OXR1: variants seen among roughly 807,000 people sequenced by gnomAD.
OXR1 encodes oxidation resistance protein 1.
A neutral mutation model predicts 104.6 loss-of-function variants in OXR1; 41 were observed. That is an observed-to-expected ratio of 0.39 (90% CI 0.31 to 0.51). The LOEUF (loss-of-function observed/expected upper bound fraction) is 0.51, where lower values mean the gene tolerates loss of function less well. Ranked by LOEUF, OXR1 falls within the 20% of genes least tolerant of loss-of-function variation. The pLI, the probability that OXR1 is intolerant of heterozygous loss-of-function variation, is 0.77. For missense variants in OXR1, 955 were observed against 1,031.9 expected, an observed-to-expected ratio of 0.93 and a Z score of 1.02; for synonymous variants, 348 against 348.4, an observed-to-expected ratio of 1.00 and a Z score of 0.01.
chr8:106,674,657 T>G (rs564560738), intron 3 of OXR1, among the ~76,000 whole-genome samples: 1 of 152,288 alleles, frequency 6.6e-6, no homozygotes, highest in East Asian at 1.9e-4. Context: ...AATCTCATCT[T>G]GAAATATTAT....
chr8:106,285,031 A>G (rs900446579), intron 1 of OXR1, among the ~76,000 whole-genome samples: 1 of 152,164 alleles, frequency 6.6e-6, no homozygotes, highest in Non-Finnish European at 1.5e-5. Context: ...GGTTTGTTAC[A>G]TATGTATACA....
intron 3 of OXR1, among the ~76,000 whole-genome samples, chr8:106,591,445 T>TAAA (rs79236395): frequency 0.012 from 1,705 of 146,554 alleles, 38 homozygotes; most frequent in African/African-American, 0.039. Context: ...AAAGTATAAT[T>TAAA]AAAAAAAAAA....
intron 6 of OXR1, among the ~76,000 whole-genome samples, chr8:106,686,707 G>A (rs1828764046): frequency 6.6e-6 from 1 of 152,126 alleles, no homozygotes; most frequent in African/African-American, 2.4e-5. Flanking sequence ...TAAATTTTTT[G>A]AATGTCCAGC....
chr8:106,672,322 GAAA>G (rs56755421), intron 3 of OXR1, among the ~76,000 whole-genome samples: 4 of 136,702 alleles, frequency 2.9e-5, no homozygotes, highest in Non-Finnish European at 6.4e-5. Flanking sequence ...TACTAAAAAT[GAAA>G]AAAAAAAAAA....
At chr8:106,333,225 T>C (rs932707373) in intron 1 of OXR1, among the ~76,000 whole-genome samples, 2 of 152,106 alleles carry the variant, frequency 1.3e-5, no homozygotes, top group East Asian at 3.8e-4. Flanking sequence ...CCAAACTTTT[T>C]CACAGCAGCT....
intron 2 of OXR1, among the ~76,000 whole-genome samples, chr8:106,367,148 G>C (rs538210509): frequency 3.4e-5 from 5 of 148,414 alleles, no homozygotes; most frequent in African/African-American, 1.2e-4. Context: ...CTGCATCCTC[G>C]CCTCCCGGGT....
intron 1 of OXR1, among the ~76,000 whole-genome samples, chr8:106,281,409 C>G (rs1382732702): frequency 6.6e-6 from 1 of 152,144 alleles, no homozygotes; most frequent in Admixed American, 6.5e-5. Flanking sequence ...TTTTATAGAC[C>G]TCACCACTGT....
intron 2 of OXR1, among the ~76,000 whole-genome samples, chr8:106,479,160 A>G (rs1027393099): frequency 1.3e-5 from 2 of 152,014 alleles, no homozygotes; most frequent in African/African-American, 4.8e-5. Flanking sequence ...TACAACAACA[A>G]TAATTAGCTT....
At chr8:106,548,102 T>C (rs79177684) in intron 3 of OXR1, among the ~76,000 whole-genome samples, 3,565 of 152,310 alleles carry the variant, frequency 0.023, 142 homozygotes, top group African/African-American at 0.082. Flanking sequence ...AACAGTCCAA[T>C]TTTTCGTATC....
chr8:106,435,365 A>G (rs754278551), intron 2 of OXR1, among the ~76,000 whole-genome samples: 4 of 152,134 alleles, frequency 2.6e-5, no homozygotes, highest in Non-Finnish European at 4.4e-5. Context: ...ACTTGAACAT[A>G]GAAAATGACA....
At chr8:106,294,395 CA>C (rs1200997871) in intron 1 of OXR1, among the ~76,000 whole-genome samples, 1,344 of 70,356 alleles carry the variant, frequency 0.019, 10 homozygotes, top group Admixed American at 0.022. Flanking sequence ...GACTCTGTCT[CA>C]AAAAAAAAAA....
chr8:106,515,313 G>T (rs137892269), intron 2 of OXR1, among the ~76,000 whole-genome samples: 36 of 152,050 alleles, frequency 2.4e-4, no homozygotes, highest in South Asian at 8.3e-4. Context: ...ATTTTTTGTG[G>T]TGACAACGCT....
At chr8:106,747,973 G>A (rs1835532338) in intron 16 of OXR1, among the ~76,000 whole-genome samples, 1 of 152,114 alleles carries the variant, frequency 6.6e-6, no homozygotes, top group Admixed American at 6.5e-5. Context: ...TTTAGCAGAA[G>A]GTTTTTATGA....
intron 2 of OXR1, among the ~76,000 whole-genome samples, chr8:106,480,627 G>A (rs1489917799): frequency 2.0e-5 from 3 of 151,964 alleles, no homozygotes; most frequent in East Asian, 1.9e-4. Context: ...GGTTTACTGT[G>A]AGCCCTCAGT....
intron 3 of OXR1, among the ~76,000 whole-genome samples, chr8:106,546,013 A>G (rs1159200564): frequency 6.6e-6 from 1 of 151,988 alleles, no homozygotes; most frequent in Non-Finnish European, 1.5e-5. Context: ...AAAAAATTGA[A>G]TGATGCAGGT....
At chr8:106,452,580 A>T (rs555542175) in intron 2 of OXR1, among the ~76,000 whole-genome samples, 321 of 152,226 alleles carry the variant, frequency 2.1e-3, no homozygotes, top group Non-Finnish European at 3.2e-3. Flanking sequence ...TTATTCTGAA[A>T]ATAGGGCCAC....
At chr8:106,478,147 C>A (rs1821907279) in intron 2 of OXR1, among the ~76,000 whole-genome samples, 1 of 151,792 alleles carries the variant, frequency 6.6e-6, no homozygotes, top group Non-Finnish European at 1.5e-5. Flanking sequence ...TCCTTATTGA[C>A]CTTGTTATAT....
At chr8:106,326,216 A>G (rs931485483) in intron 1 of OXR1, among the ~76,000 whole-genome samples, 2 of 152,242 alleles carry the variant, frequency 1.3e-5, no homozygotes, top group Admixed American at 1.3e-4. Context: ...TCCAAGAAGC[A>G]TTCCCAAGGT....
At chr8:106,593,649 C>T (rs772786822) in intron 3 of OXR1, among the ~76,000 whole-genome samples, 6 of 152,056 alleles carry the variant, frequency 3.9e-5, no homozygotes, top group South Asian at 2.1e-4. Flanking sequence ...TGGTGGCAGG[C>T]GCCTGTGGTC....
Sources: gnomAD v4.1 joint callset for allele counts (sites outside exome capture counted in the v4.1 genomes callset) on GRCh38, gnomAD v4.1.1 for gene constraint, MANE v1.5 for transcripts, NCBI Gene and HGNC (gene_info 2026-07-23, HGNC 2026-07-21) for gene names.